The following P2RY14 variants were observed in gnomAD, a reference collection of about 807,000 sequenced individuals.
The protein encoded by P2RY14 is P2Y purinoceptor 14.
Under a neutral mutation model 0.9 loss-of-function variants are expected in P2RY14, and 2 were observed. The observed-to-expected ratio is 2.16, with a 90% CI of 0.88 to 6.79. The LOEUF (loss-of-function observed/expected upper bound fraction) is 6.79, where lower values mean the gene tolerates loss of function less well. P2RY14 is among the 30% of genes most tolerant of loss of function. P2RY14 has a pLI of 0.05. For missense variants in P2RY14, 378 were observed against 400.1 expected (o/e 0.94, Z 0.47); for synonymous variants, 158 against 147.2 (o/e 1.07, Z -0.53).
chr3:151,233,361 A>C (rs781540155), intron 1 of P2RY14, among the ~76,000 whole-genome samples: 13 of 152,236 alleles, frequency 8.5e-5, no homozygotes, highest in Non-Finnish European at 1.6e-4. Flanking sequence ...ATTGCTTTTA[A>C]ATATAGTCTT....
chr3:151,237,614 G>C (rs1733183120), intron 1 of P2RY14, among the ~76,000 whole-genome samples: 1 of 152,034 alleles, frequency 6.6e-6, no homozygotes, highest in Non-Finnish European at 1.5e-5. Context: ...GCCTCCCAAA[G>C]TGCTGGGATT....
At chr3:151,256,345 G>T (rs1737814429) in intron 1 of P2RY14, among the ~76,000 whole-genome samples, 1 of 152,168 alleles carries the variant, frequency 6.6e-6, no homozygotes, top group Non-Finnish European at 1.5e-5. Flanking sequence ...GCCTCAACAT[G>T]CCTAAGGTAA....
chr3:151,214,479 A>C (rs920794469), intron 2 of P2RY14, 139 bp from the exon 3 acceptor site: 2 of 565,038 alleles, frequency 3.5e-6, no homozygotes, highest in South Asian at 5.0e-5. Context: ...TGTAAGTTAG[A>C]CACTCATCCC....
intron 1 of P2RY14, among the ~76,000 whole-genome samples, chr3:151,219,893 C>A (rs1434601489): frequency 2.3e-4 from 1 of 4,402 alleles, no homozygotes; most frequent in African/African-American, 7.5e-4. Flanking sequence ...TTTATATTAC[C>A]CCCCCCCCCC....
At chr3:151,221,176 T>TA (rs1205557756) in intron 1 of P2RY14, among the ~76,000 whole-genome samples, 1 of 152,196 alleles carries the variant, frequency 6.6e-6, no homozygotes, top group Non-Finnish European at 1.5e-5. Flanking sequence ...TTAGGGTATC[T>TA]AGCTGAAGAA....
chr3:151,242,046 G>A (rs577277771), intron 1 of P2RY14, among the ~76,000 whole-genome samples: 8 of 152,180 alleles, frequency 5.3e-5, no homozygotes, highest in East Asian at 1.9e-4. Context: ...ACTCCCACCC[G>A]AATACTGCGC....
rs146811566 is a variant in P2RY14, at chr3:151,213,409, C to G, written c.908G>C (p.Arg303Thr). The G allele has an allele frequency of 1.2e-4, 188 of 1,614,032 alleles. 1 individual carries two copies. The East Asian group carries it at 4.1e-3, about 35-fold the overall frequency. Reference sequence around the variant, plus strand: ...GTGCAATTTCTTACATAAGATTTCCCTAAACGGCTGGCATAGAAAGAAATA... The same window carrying G: ...GTGCAATTTCTTACATAAGATTTCCGTAAACGGCTGGCATAGAAAGAAATA... ...IIYFFLCQPFREILCKKLHIP... is the reference protein window; with the variant it reads ...IIYFFLCQPFTEILCKKLHIP... Residue 303 changes from arginine to threonine, a missense_variant, in exon 3 of 3, where the codon AGG (arginine) becomes ACG (threonine). Arg to Thr is a moderately conservative substitution (Grantham distance 71, BLOSUM62 -1). Transcript: ENST00000309170.
chr3:151,267,037 A>G (rs747339926), intron 1 of P2RY14, among the ~76,000 whole-genome samples: 9 of 152,214 alleles, frequency 5.9e-5, no homozygotes, highest in Admixed American at 1.3e-4. Context: ...GTAAAGTACA[A>G]AAGACTTTTT....
chr3:151,260,312 T>C (rs1438569102), intron 1 of P2RY14, among the ~76,000 whole-genome samples: 1 of 152,178 alleles, frequency 6.6e-6, no homozygotes, highest in Non-Finnish European at 1.5e-5. Flanking sequence ...ATTTCCTTCT[T>C]AATCTAGGTC....
chr3:151,253,180 T>C (rs555433566), intron 1 of P2RY14, among the ~76,000 whole-genome samples: 2 of 152,178 alleles, frequency 1.3e-5, no homozygotes, highest in Non-Finnish European at 2.9e-5. Context: ...TATAGTGATA[T>C]AAATGTCAGT....
intron 1 of P2RY14, among the ~76,000 whole-genome samples, chr3:151,263,948 T>C (rs1305181303): frequency 6.6e-6 from 1 of 152,230 alleles, no homozygotes; most frequent in Non-Finnish European, 1.5e-5. Flanking sequence ...GAAAGGCAGA[T>C]AACGATGGAC....
chr3:151,275,350 C>G (rs1280436415), intron 1 of P2RY14, among the ~76,000 whole-genome samples: 1 of 152,014 alleles, frequency 6.6e-6, no homozygotes, highest in Non-Finnish European at 1.5e-5. Flanking sequence ...AAGCCAGCAC[C>G]CGTCCCTGGC....
At chr3:151,220,806 C>T (rs996462912) in intron 1 of P2RY14, among the ~76,000 whole-genome samples, 13 of 152,130 alleles carry the variant, frequency 8.5e-5, no homozygotes, top group African/African-American at 2.7e-4. Context: ...AGTGTGAAAA[C>T]GGACTAATAC....
At chr3:151,258,725 G>T (rs566789862) in intron 1 of P2RY14, among the ~76,000 whole-genome samples, 1 of 152,080 alleles carries the variant, frequency 6.6e-6, no homozygotes, top group Non-Finnish European at 1.5e-5. Context: ...GGTGGTGCAT[G>T]CCTGTAGTCC....
chr3:151,237,355 T>TTTTC lies in P2RY14; in HGVS notation c.-132-17714_-132-17713insGAAA, dbSNP rs1456518867. Among the ~76,000 whole-genome samples, 70 of 128,908 alleles carry TTTTC rather than the reference T, an allele frequency of 5.4e-4. 1 individual carries two copies. Among genetic ancestry groups the TTTTC allele is most frequent in the Non-Finnish European group, 5.2e-4 (33 of 62,972 alleles). The allele number at this position is 128,908 out of a possible 152,430, so 84.6% of individuals were successfully genotyped here. On this transcript the variant is annotated intron_variant, in intron 1 of 2. Transcript: ENST00000309170. ...GCCTGGCTTTTTTTTTTTTTCTTTT[T>TTTTC]TTTTTTTTTTTGAGACAGAGTCTTA...
chr3:151,244,475 A>G (rs1405406877), intron 1 of P2RY14, among the ~76,000 whole-genome samples: 3 of 146,360 alleles, frequency 2.0e-5, no homozygotes, highest in South Asian at 2.3e-4. Flanking sequence ...ACTCAAAACC[A>G]CTCAACTACA....
intron 1 of P2RY14, among the ~76,000 whole-genome samples, chr3:151,229,046 A>G (rs1363745536): frequency 1.3e-5 from 2 of 152,212 alleles, no homozygotes; most frequent in Non-Finnish European, 2.9e-5. Flanking sequence ...TGTGTGAGAA[A>G]ACAACAGCTT....
intron 1 of P2RY14, among the ~76,000 whole-genome samples, chr3:151,224,156 A>G (rs1030370081): frequency 6.6e-6 from 1 of 152,210 alleles, no homozygotes. Flanking sequence ...ATTGCCTTCA[A>G]ATAATGCTTT....
intron 1 of P2RY14, among the ~76,000 whole-genome samples, chr3:151,249,349 A>G (rs961648186): frequency 1.3e-4 from 20 of 152,234 alleles, no homozygotes; most frequent in African/African-American, 4.8e-4. Context: ...ACATGGTTTC[A>G]AACTAATTCC....
Sources: gnomAD v4.1 joint callset for allele counts (sites outside exome capture counted in the v4.1 genomes callset) on GRCh38, gnomAD v4.1.1 for gene constraint, MANE v1.5 for transcripts, NCBI Gene and HGNC (gene_info 2026-07-23, HGNC 2026-07-21) for gene names.